Variants in PDE4D observed in about 807,000 individuals in gnomAD.
The protein encoded by PDE4D is 3',5'-cyclic-AMP phosphodiesterase 4D.
In PDE4D, 24 loss-of-function variants were observed where a neutral mutation model predicts 87.4. The observed-to-expected ratio is 0.27, with a 90% CI of 0.20 to 0.39. The LOEUF (loss-of-function observed/expected upper bound fraction) is 0.39. Ranked by LOEUF, PDE4D falls within the 10% of genes least tolerant of loss-of-function variation. The pLI, the probability that PDE4D is intolerant of heterozygous loss-of-function variation, is 1.00. For missense variants in PDE4D, 714 were observed against 1,041.0 expected (o/e 0.69, Z 4.32); for synonymous variants, 384 against 383.2 (o/e 1.00, Z -0.02).
At chr5:59,060,740 G>A (rs1763005966) in intron 5 of PDE4D, among the ~76,000 whole-genome samples, 1 of 152,082 alleles carries the variant, frequency 6.6e-6, no homozygotes, top group South Asian at 2.1e-4. Context: ...ACTCTGATTT[G>A]AATATATTGT....
intron 1 of PDE4D, among the ~76,000 whole-genome samples, chr5:60,480,252 T>A (rs76143344): frequency 0.13 from 19,172 of 152,184 alleles, 1,312 homozygotes; most frequent in Non-Finnish European, 0.16. Flanking sequence ...ACTGACTGAA[T>A]AAACTTCAGC....
Position 60,425,265 on chromosome 5 carries a change from G to A in PDE4D, c.-90+62677C>T, listed in dbSNP as rs184040068. 2.6e-3 allele frequency among the ~76,000 whole-genome samples: 389 copies of A among 152,196 alleles called. 2 individuals carry two copies. The highest frequency in any genetic ancestry group is 9.1e-3 in the African/African-American group (377 of 41,546). ...AACAGAAGAAAGCTGGAAGCATCAC[G>A]CTACCTGACTTCAAACTATACTACA... On this transcript the variant is annotated intron_variant, in intron 1 of 16. Transcript: ENST00000502484.
At chr5:60,349,728 T>A (rs1759026805) in intron 1 of PDE4D, among the ~76,000 whole-genome samples, 2 of 152,194 alleles carry the variant, frequency 1.3e-5, no homozygotes, top group African/African-American at 2.4e-5. Context: ...TGATTTTTTT[T>A]ATATAGCAGG....
intron 1 of PDE4D, among the ~76,000 whole-genome samples, chr5:59,606,478 T>G (rs572910866): frequency 2.1e-4 from 32 of 152,222 alleles, no homozygotes; most frequent in African/African-American, 6.0e-4. Flanking sequence ...CCCCAGTTTA[T>G]AGATGATGAA....
At chr5:59,768,290 T>G in intron 1 of PDE4D, 1 of 1,598,288 alleles carries the variant, frequency 6.3e-7, no homozygotes, top group Non-Finnish European at 8.5e-7. Flanking sequence ...GGGATGTTGC[T>G]GCTGAGAAGC....
intron 2 of PDE4D, among the ~76,000 whole-genome samples, chr5:60,143,756 A>G (rs1192244586): frequency 3.3e-5 from 5 of 152,066 alleles, no homozygotes; most frequent in African/African-American, 9.7e-5. Flanking sequence ...TGATTATGTT[A>G]GAGATAATTC....
Position 58,989,188 on chromosome 5 carries a change from G to C in PDE4D, c.1452+567C>G, listed in dbSNP as rs1052467472. Reference sequence around the variant, plus strand: ...CTGGTGGTGGCAGGAGGGAAAGAAAGGGGAAGAGAAACCATCTCCAGTTGA... The same window carrying C: ...CTGGTGGTGGCAGGAGGGAAAGAAACGGGAAGAGAAACCATCTCCAGTTGA... On this transcript the variant is annotated intron_variant, in intron 10 of 14. Coordinates refer to ENST00000340635, the MANE Select transcript of PDE4D (RefSeq NM_001104631.2). Among the ~76,000 whole-genome samples the C allele has an allele frequency of 2.8e-3, 401 of 143,206 alleles. 4 individuals are homozygous for C. The highest frequency in any genetic ancestry group is 4.8e-3 in the Non-Finnish European group (314 of 64,886). 93.9% of individuals were successfully genotyped at this position (143,206 alleles called of 152,430 possible).
At position 59,762,357 on chromosome 5, in the gene PDE4D, T is replaced by C. The variant is rs1307503607; in HGVS notation, c.455+130811A>G. ...ATATGGGTACACATATGCATATATG[T>C]GTATATGGGTACACATGTGTATATG... On this transcript the variant is annotated intron_variant, in intron 1 of 14. Transcript: ENST00000340635. 7.7e-4 allele frequency among the ~76,000 whole-genome samples: 73 copies of C among 94,620 alleles called. 11 individuals carry two copies. The highest frequency in any genetic ancestry group is 1.8e-3 in the South Asian group (6 of 3,284). The allele number at this position is 94,620 out of a possible 152,430, so 62.1% of individuals were successfully genotyped here.
At chr5:59,988,646 G>A (rs766748913) in exon 3 of PDE4D, 2 of 1,599,330 alleles carry the variant, frequency 1.3e-6, no homozygotes, top group South Asian at 1.1e-5. Flanking sequence ...AAAGTCTCCG[G>A]ACAAGATAGG....
intron 2 of PDE4D, among the ~76,000 whole-genome samples, chr5:60,095,853 C>CT (rs762537990): frequency 6.6e-6 from 1 of 151,894 alleles, no homozygotes; most frequent in African/African-American, 2.4e-5. Context: ...TGATGATGAG[C>CT]TTTTTTTTAT....
chr5:58,989,979 G>T, intron 9 of PDE4D, 60 bp from the exon 10 acceptor site: 2 of 983,562 alleles, frequency 2.0e-6, no homozygotes, highest in Non-Finnish European at 2.8e-6. Context: ...TCTCCATAGA[G>T]TATGTTTAAA....
At chr5:59,652,425 A>G (rs895607324) in intron 1 of PDE4D, among the ~76,000 whole-genome samples, 1 of 152,208 alleles carries the variant, frequency 6.6e-6, no homozygotes, top group Non-Finnish European at 1.5e-5. Context: ...GCATTCACAC[A>G]TATCAGCCTA....
At chr5:59,629,748 C>T (rs1013467987) in intron 1 of PDE4D, among the ~76,000 whole-genome samples, 2 of 152,154 alleles carry the variant, frequency 1.3e-5, no homozygotes, top group Non-Finnish European at 2.9e-5. Flanking sequence ...GTCATTTAAT[C>T]CTCACAGCTA....
At chr5:59,461,306 G>A (rs1426384188) in intron 1 of PDE4D, among the ~76,000 whole-genome samples, 1 of 152,030 alleles carries the variant, frequency 6.6e-6, no homozygotes, top group African/African-American at 2.4e-5. Flanking sequence ...TTATCTAAGA[G>A]AGAAGCGAAG....
chr5:60,337,164 CAA>C (rs10525960), intron 1 of PDE4D, among the ~76,000 whole-genome samples: 36,962 of 106,184 alleles, frequency 0.35, 6,170 homozygotes, highest in African/African-American at 0.5. Context: ...ACTGAAAATA[CAA>C]AAAAAAAAAA....
intron 1 of PDE4D, chr5:60,429,888 T>C: frequency 2.8e-6 from 1 of 357,342 alleles, no homozygotes; most frequent in South Asian, 2.2e-5. Context: ...ATTTGGTATA[T>C]TTGATGATTA....
At chr5:59,690,811 A>G (rs1353386272) in intron 1 of PDE4D, among the ~76,000 whole-genome samples, 1 of 152,246 alleles carries the variant, frequency 6.6e-6, no homozygotes, top group African/African-American at 2.4e-5. Flanking sequence ...AATTTTTATA[A>G]TCTACCCATC....
intron 3 of PDE4D, among the ~76,000 whole-genome samples, chr5:59,901,631 AGAAAAG>A (rs1410641822): frequency 6.6e-6 from 1 of 152,160 alleles, no homozygotes; most frequent in African/African-American, 2.4e-5. Context: ...GGCACGTCAC[AGAAAAG>A]GAAAACAGAA....
At chr5:58,992,991 G>A (rs927809705) in intron 7 of PDE4D, among the ~76,000 whole-genome samples, 7 of 152,078 alleles carry the variant, frequency 4.6e-5, no homozygotes, top group Admixed American at 6.6e-5. Flanking sequence ...TAAATTCATC[G>A]AGGGCAGGAA....
Sources: gnomAD v4.1 joint callset for allele counts (sites outside exome capture counted in the v4.1 genomes callset) on GRCh38, gnomAD v4.1.1 for gene constraint, MANE v1.5 for transcripts, NCBI Gene and HGNC (gene_info 2026-07-23, HGNC 2026-07-21) for gene names.